Variants in OXR1 observed in about 807,000 individuals in gnomAD.
The protein encoded by OXR1 is oxidation resistance 1.
OXR1 carries 41 observed loss-of-function variants against 104.6 expected under a neutral mutation model. That is an observed-to-expected ratio of 0.39 (90% CI 0.31 to 0.51). OXR1 has a LOEUF of 0.51. OXR1 is among the 20% of genes least tolerant of loss of function. The probability of loss-of-function intolerance (pLI) is 0.77; values close to 1 mark genes in which losing one functional copy is unlikely to be tolerated. For synonymous variants in OXR1, 348 were observed against 348.4 expected, an observed-to-expected ratio of 1.00 and a Z score of 0.01; for missense variants, 955 against 1,031.9, an observed-to-expected ratio of 0.93 and a Z score of 1.02.
intron 1 of OXR1, among the ~76,000 whole-genome samples, chr8:106,304,525 G>T (rs1167004268): frequency 6.6e-6 from 1 of 152,036 alleles, no homozygotes; most frequent in African/African-American, 2.4e-5. Context: ...AAATTTTCTA[G>T]TAGCAACATT....
At chr8:106,479,765 T>A (rs888832317) in intron 2 of OXR1, among the ~76,000 whole-genome samples, 1 of 152,064 alleles carries the variant, frequency 6.6e-6, no homozygotes, top group Non-Finnish European at 1.5e-5. Flanking sequence ...AATATTCACA[T>A]CTGTTTTATT....
At chr8:106,365,973 C>T (rs992489263) in intron 2 of OXR1, among the ~76,000 whole-genome samples, 2 of 152,118 alleles carry the variant, frequency 1.3e-5, no homozygotes, top group African/African-American at 4.8e-5. Context: ...GGTTCAAACC[C>T]CACAGGGACT....
At chr8:106,511,903 C>A (rs566493562) in intron 2 of OXR1, among the ~76,000 whole-genome samples, 3 of 152,142 alleles carry the variant, frequency 2.0e-5, no homozygotes, top group Non-Finnish European at 4.4e-5. Flanking sequence ...TCAGTTGATA[C>A]CTCTACCAAT....
At chr8:106,309,881 T>G (rs1034866282) in intron 1 of OXR1, among the ~76,000 whole-genome samples, 3 of 151,552 alleles carry the variant, frequency 2.0e-5, no homozygotes, top group Non-Finnish European at 4.4e-5. Context: ...TTTAAGAAAA[T>G]GTACCATTAC....
chr8:106,741,365 G>C (rs1159915651), intron 14 of OXR1, among the ~76,000 whole-genome samples: 1 of 152,084 alleles, frequency 6.6e-6, no homozygotes, highest in African/African-American at 2.4e-5. Flanking sequence ...CCTTCAGGTA[G>C]TTGAGACTAT....
At chr8:106,343,504 A>G (rs942631970) in intron 1 of OXR1, among the ~76,000 whole-genome samples, 11 of 152,230 alleles carry the variant, frequency 7.2e-5, no homozygotes, top group Non-Finnish European at 2.9e-5. Context: ...GGTGGCTGCC[A>G]CTGCAGCTGT....
At chr8:106,362,330 C>T (rs1816282429) in intron 2 of OXR1, among the ~76,000 whole-genome samples, 1 of 152,034 alleles carries the variant, frequency 6.6e-6, no homozygotes, top group Non-Finnish European at 1.5e-5. Flanking sequence ...GTGCAGGATG[C>T]CTGTTGTGAC....
chr8:106,446,166 C>T (rs1820004522), intron 2 of OXR1, among the ~76,000 whole-genome samples: 1 of 152,202 alleles, frequency 6.6e-6, no homozygotes, highest in South Asian at 2.1e-4. Flanking sequence ...AAGGTGGACA[C>T]TTGTGTTCAA....
chr8:106,722,743 C>T (rs1376189473), intron 11 of OXR1, among the ~76,000 whole-genome samples: 1 of 152,260 alleles, frequency 6.6e-6, no homozygotes, highest in East Asian at 1.9e-4. Flanking sequence ...TGTAAGTACA[C>T]ACTGTGATGT....
chr8:106,356,003 C>T (rs578221682), intron 1 of OXR1, among the ~76,000 whole-genome samples: 1 of 152,084 alleles, frequency 6.6e-6, no homozygotes, highest in Admixed American at 6.6e-5. Flanking sequence ...AACACAACTC[C>T]GCTAAAACAA....
At chr8:106,295,488 C>G (rs535647235) in intron 1 of OXR1, among the ~76,000 whole-genome samples, 1 of 151,838 alleles carries the variant, frequency 6.6e-6, no homozygotes, top group African/African-American at 2.4e-5. Context: ...ATGTTATGCA[C>G]GACTCATTAT....
Position 106,455,267 on chromosome 8 carries a change from A to T in OXR1, c.24-63676A>T, listed in dbSNP as rs147668137. Among the ~76,000 whole-genome samples, 104 of 152,332 alleles carry T rather than the reference A, an allele frequency of 6.8e-4. 1 individual carries two copies. In the East Asian group the frequency reaches 0.018, roughly 27 times the overall value. On this transcript the variant is annotated intron_variant, in intron 2 of 16. Coordinates refer to ENST00000517566, the MANE Select transcript of OXR1 (RefSeq NM_001198533.2). ...ATGTCTTACAAAATAAACAAATAAA[A>T]AGCTCACTAACCCAATATTTTTGTG...
chr8:106,342,217 C>T (rs1815281220), intron 1 of OXR1, among the ~76,000 whole-genome samples: 1 of 151,002 alleles, frequency 6.6e-6, no homozygotes, highest in African/African-American at 2.4e-5. Flanking sequence ...CAGGAATTTT[C>T]TTGCTTCTTT....
At chr8:106,638,893 C>CAAA (rs34153559) in intron 3 of OXR1, among the ~76,000 whole-genome samples, 23 of 94,902 alleles carry the variant, frequency 2.4e-4, no homozygotes, top group African/African-American at 7.1e-4. Context: ...GACTCCATTT[C>CAAA]AAAAAAAAAA....
intron 2 of OXR1, among the ~76,000 whole-genome samples, chr8:106,419,494 A>G (rs1818816843): frequency 6.6e-6 from 1 of 152,164 alleles, no homozygotes; most frequent in Admixed American, 6.6e-5. Flanking sequence ...AGATGAGCTC[A>G]TCATATAGCT....
chr8:106,625,764 C>T (rs1488847712), intron 3 of OXR1, among the ~76,000 whole-genome samples: 1 of 152,076 alleles, frequency 6.6e-6, no homozygotes, highest in Non-Finnish European at 1.5e-5. Flanking sequence ...AATAATGTTT[C>T]CCAATCTTGT....
At chr8:106,437,846 C>A (rs968916867) in intron 2 of OXR1, among the ~76,000 whole-genome samples, 1 of 152,108 alleles carries the variant, frequency 6.6e-6, no homozygotes, top group Non-Finnish European at 1.5e-5. Context: ...TACAGTGAAG[C>A]TGCAAGATGC....
chr8:106,519,060 T>TGAA lies in OXR1; in HGVS notation c.147_149dup (p.Glu50dup). The stretch of plus-strand genomic sequence containing the variant: ...CCCCGGCACCCAAGACCCCCATCAT[T>TGAA]GAAGAAGAGCAGAACAATGCAGCAA... On this transcript the variant is annotated inframe_insertion, in exon 3 of 17. Transcript: ENST00000517566. The TGAA allele has an allele frequency of 6.4e-7, 1 of 1,551,984 alleles. No homozygotes were observed. The highest frequency in any genetic ancestry group is 8.7e-7 in the Non-Finnish European group (1 of 1,146,980).
At chr8:106,451,082 G>C (rs184480926) in intron 2 of OXR1, among the ~76,000 whole-genome samples, 1 of 152,222 alleles carries the variant, frequency 6.6e-6, no homozygotes, top group East Asian at 1.9e-4. Flanking sequence ...CAGCTCCAGT[G>C]TCTGAAATAA....
Sources: gnomAD v4.1 joint callset for allele counts (sites outside exome capture counted in the v4.1 genomes callset) on GRCh38, gnomAD v4.1.1 for gene constraint, MANE v1.5 for transcripts, NCBI Gene and HGNC (gene_info 2026-07-23, HGNC 2026-07-21) for gene names.